The following MAFK variants were observed in gnomAD, a reference collection of about 807,000 sequenced individuals.
The protein encoded by MAFK is MAF bZIP transcription factor K.
In MAFK, 1 loss-of-function variant was observed where a neutral mutation model predicts 9.2. The ratio of observed to expected loss-of-function variants is 0.11; its 90% CI spans 0.04 to 0.52. The LOEUF (loss-of-function observed/expected upper bound fraction) is 0.52. Among genes scored for constraint, MAFK ranks in the 20% least tolerant of loss-of-function variants. The probability of loss-of-function intolerance (pLI) is 0.94; values close to 1 mark genes in which losing one functional copy is unlikely to be tolerated. For missense variants in MAFK, 207 were observed against 236.0 expected, an observed-to-expected ratio of 0.88 and a Z score of 0.81; for synonymous variants, 110 against 107.4, an observed-to-expected ratio of 1.02 and a Z score of -0.15.
At chr7:1,535,082 A>C (rs1351277638) in intron 1 of MAFK, among the ~76,000 whole-genome samples, 2 of 67,864 alleles carry the variant, frequency 2.9e-5, no homozygotes, top group Non-Finnish European at 5.8e-5. Context: ...GCTATTTAAA[A>C]TTCTTTTTTT....
At chr7:1,535,449 G>C (rs986392324) in intron 1 of MAFK, among the ~76,000 whole-genome samples, 31 of 152,212 alleles carry the variant, frequency 2.0e-4, no homozygotes, top group Admixed American at 7.9e-4. Context: ...GAGTCCAGGA[G>C]CTCGAGACCA....
In MAFK at chr7:1,542,203, G is replaced by GGGGATAT. The variant is rs1784208492; in HGVS notation, c.*1829_*1835dup. 6.6e-6 allele frequency: 1 copy of GGGGATAT among 152,496 alleles called. No homozygotes were observed. The highest frequency in any genetic ancestry group is 1.5e-5 in the Non-Finnish European group (1 of 68,042). The allele number at this position is 152,496 out of a possible 1,614,324, so 9.4% of individuals were successfully genotyped here. On this transcript the variant is annotated 3_prime_UTR_variant, in exon 3 of 3. Transcript: ENST00000343242. ...CCATATTGGATGTCATAAGGACCAG[G>GGGGATAT]GGGATATTTAAAGAGAGAAACAGAA... is the stretch of plus-strand genomic sequence containing the variant.
At position 1,534,642 on chromosome 7, in the gene MAFK, C is replaced by G; in HGVS notation, c.-45+3744C>G. On this transcript the variant is annotated intron_variant, in intron 1 of 2. Coordinates refer to ENST00000343242, the MANE Select transcript of MAFK (RefSeq NM_002360.4). This position sits in a 1 kb window ranked among gnomAD's most constrained non-coding sequence, Gnocchi z 4.3. The stretch of plus-strand genomic sequence containing the variant: ...GAGAATAGAAGTGGAAGGGCCACTC[C>G]GTCTTGGTCAGACTGGCTGGGCAGC... The G allele has an allele frequency of 2.2e-6, 1 of 456,032 alleles. No homozygotes were observed. Among genetic ancestry groups the G allele is most frequent in the Non-Finnish European group, 4.4e-6 (1 of 226,766 alleles). 28.2% of individuals were successfully genotyped at this position (456,032 alleles called of 1,614,324 possible). A position where few individuals can be genotyped will look rare whatever the true frequency, so the allele number is the denominator to read the frequency against.
intron 2 of MAFK, 61 bp downstream of exon 2, chr7:1,539,289 G>C: frequency 7.2e-7 from 1 of 1,384,570 alleles, no homozygotes; most frequent in Non-Finnish European, 1.0e-6. Context: ...CCCCCGGCCC[G>C]ACAGCCCCTG....
intron 1 of MAFK, among the ~76,000 whole-genome samples, chr7:1,531,445 G>A (rs1783902907): frequency 6.6e-6 from 1 of 152,178 alleles, no homozygotes; most frequent in African/African-American, 2.4e-5. Context: ...GAACGGGGTG[G>A]GGGTAACCGG....
rs1477794241 is a variant in MAFK, at chr7:1,534,865, C to A, written c.-45+3967C>A. 2 of 312,674 alleles carry A rather than the reference C, an allele frequency of 6.4e-6. No homozygotes were observed. Among genetic ancestry groups the A allele is most frequent in the Non-Finnish European group, 1.3e-5 (2 of 153,666 alleles). The allele number at this position is 312,674 out of a possible 1,614,324, so 19.4% of individuals were successfully genotyped here. ...CACAGCCGGGACCGTTCAGAGGGGTCATCCAGCCGTCAGCTGCTCAACTCA... is the reference window on the plus strand; with the variant it reads ...CACAGCCGGGACCGTTCAGAGGGGTAATCCAGCCGTCAGCTGCTCAACTCA... On this transcript the variant is annotated intron_variant, in intron 1 of 2. Transcript: ENST00000343242. The surrounding 1 kb of genome is among the most constrained non-coding windows in gnomAD (Gnocchi z 4.3).
intron 1 of MAFK, among the ~76,000 whole-genome samples, chr7:1,533,245 G>GAACCTTCCC (rs1015581059): frequency 6.6e-6 from 1 of 152,224 alleles, no homozygotes; most frequent in African/African-American, 2.4e-5. Context: ...GTGTCCTGGG[G>GAACCTTCCC]AAGGTATTGG....
Position 1,540,305 on chromosome 7 carries a change from C to A in MAFK, c.401C>A (p.Thr134Asn). 1 of 1,611,678 alleles carries A rather than the reference C, an allele frequency of 6.2e-7. No homozygotes were observed. Among genetic ancestry groups the A allele is most frequent in the Non-Finnish European group, 8.5e-7 (1 of 1,179,142 alleles). Reference protein sequence around the residue: ...GPVAPSKVATTSVITIVKSTE... With the variant: ...GPVAPSKVATNSVITIVKSTE... ...GTGGCGCCCTCCAAGGTGGCCACCACCAGCGTCATCACCATCGTCAAGTCC... is the reference window on the plus strand; with the variant it reads ...GTGGCGCCCTCCAAGGTGGCCACCAACAGCGTCATCACCATCGTCAAGTCC... Residue 134 changes from threonine (T) to asparagine (N), a missense_variant, in exon 3 of 3, where the codon ACC becomes AAC. By Grantham distance (65) the Thr-to-Asn change is moderately conservative (BLOSUM62 0). Transcript: ENST00000343242.
chr7:1,538,651 G>A (rs540082768), intron 1 of MAFK: 6 of 160,528 alleles, frequency 3.7e-5, no homozygotes, highest in Admixed American at 2.6e-4. Context: ...CCTCGGGGCC[G>A]GCACAGCTGT....
chr7:1,537,694 C>T, intron 1 of MAFK: 5 of 985,692 alleles, frequency 5.1e-6, no homozygotes, highest in Non-Finnish European at 6.0e-6. Context: ...AGGACCCTGT[C>T]TCACCTGTGC....
In MAFK at chr7:1,540,052, A is replaced by T; in HGVS notation, c.148A>T (p.Thr50Ser). ...GCGGGGTCTCACCAAGGAGGAGGTG[A>T]CCCGCCTGAAGCAGCGTCGGCGCAC... ...HLRGLTKEEV[T>S]RLKQRRRTLK... Residue 50 changes from threonine to serine, a missense_variant, in exon 3 of 3, where the codon ACC becomes TCC. Transcript: ENST00000343242. 6.4e-7 allele frequency: 1 copy of T among 1,558,520 alleles called. No individual in the cohort carries two copies. Among genetic ancestry groups the T allele is most frequent in the Non-Finnish European group, 8.7e-7 (1 of 1,151,288 alleles).
At chr7:1,536,642 C>G (rs139313259) in intron 1 of MAFK, among the ~76,000 whole-genome samples, 51 of 152,374 alleles carry the variant, frequency 3.3e-4, no homozygotes, top group African/African-American at 1.1e-3. Flanking sequence ...GCATACAAAA[C>G]TCTTCTCTGA....
In MAFK at chr7:1,532,580, G is replaced by C. The variant is rs905495038; in HGVS notation, c.-45+1682G>C. ...GACTCCCCAGGTGCTGGTAAACCCG[G>C]GAGCCAGCGTTTACCGAGGGTCAGG... On this transcript the variant is annotated intron_variant, in intron 1 of 2. Coordinates refer to ENST00000343242, the MANE Select transcript of MAFK (RefSeq NM_002360.4). The surrounding 1 kb of genome is among the most constrained non-coding windows in gnomAD (Gnocchi z 4.5). Among the ~76,000 whole-genome samples the C allele has an allele frequency of 3.3e-5, 5 of 152,210 alleles. No individual in the cohort carries two copies. Among genetic ancestry groups the C allele is most frequent in the African/African-American group, 1.2e-4 (5 of 41,444 alleles).
intron 1 of MAFK, among the ~76,000 whole-genome samples, chr7:1,535,778 A>G (rs4725190): frequency 0.65 from 99,277 of 152,216 alleles, 33,042 homozygotes; most frequent in African/African-American, 0.78. Flanking sequence ...GGGGGAGCCC[A>G]GGGCTCTGAT....
In MAFK at chr7:1,537,902, C is replaced by G. The variant is rs777525351; in HGVS notation, c.-44-1247C>G. 83 of 162,980 alleles carry G rather than the reference C, an allele frequency of 5.1e-4. 1 individual carries two copies. Among genetic ancestry groups the G allele is most frequent in the Non-Finnish European group, 8.6e-4 (67 of 77,862 alleles). 10.1% of individuals were successfully genotyped at this position (162,980 alleles called of 1,614,324 possible). Reference sequence around the variant, plus strand: ...AGTGGAGGTGCTGACCAAGGACACCCCCCACCGCCGTGTGCTGCTCTGATG... The same window carrying G: ...AGTGGAGGTGCTGACCAAGGACACCGCCCACCGCCGTGTGCTGCTCTGATG... On this transcript the variant is annotated intron_variant, in intron 1 of 2. Transcript: ENST00000343242.
intron 1 of MAFK, among the ~76,000 whole-genome samples, chr7:1,531,429 G>C (rs1196734042): frequency 6.6e-6 from 1 of 152,176 alleles, no homozygotes; most frequent in East Asian, 1.9e-4. Flanking sequence ...GGTCACGCGT[G>C]CCCGGGAACG....
intron 1 of MAFK, chr7:1,538,354 T>G: frequency 2.0e-6 from 2 of 984,742 alleles, no homozygotes; most frequent in African/African-American, 1.7e-5. Context: ...CCCCCGGACC[T>G]GCCGCCCCTC....
Position 1,539,921 on chromosome 7 carries a change from C to A in MAFK, c.37-20C>A. ...CACCCCACGTTCTCCCGCCGCTGAC[C>A]CCGCACTGTGGCCCCCCAGGTCAAG... On this transcript the variant is annotated intron_variant, in intron 2 of 2. Coordinates refer to ENST00000343242, the MANE Select transcript of MAFK (RefSeq NM_002360.4). The A allele has an allele frequency of 6.6e-7, 1 of 1,506,178 alleles. No individual in the cohort carries two copies. The highest frequency in any genetic ancestry group is 1.4e-5 in the African/African-American group (1 of 72,212). The allele number at this position is 1,506,178 out of a possible 1,614,324, so 93.3% of individuals were successfully genotyped here.
At position 1,540,389 on chromosome 7, in the gene MAFK, C is replaced by CG. The variant is rs1160642108; in HGVS notation, c.*20dup. 2 of 230,960 alleles carry CG rather than the reference C, an allele frequency of 8.7e-6. No homozygotes were observed. The highest frequency in any genetic ancestry group is 1.9e-4 in the South Asian group (2 of 10,338). The allele number at this position is 230,960 out of a possible 1,614,324, so 14.3% of individuals were successfully genotyped here. A position where few individuals can be genotyped will look rare whatever the true frequency, so the allele number is the denominator to read the frequency against. Reference sequence around the variant, plus strand: ...GCTGCATCCTAGTGCCGGCCGGGGGCGGGGGGTGGCGGGCGGCGGGCGGCG... The same window carrying CG: ...GCTGCATCCTAGTGCCGGCCGGGGGCGGGGGGGTGGCGGGCGGCGGGCGGCG... On this transcript the variant is annotated 3_prime_UTR_variant, in exon 3 of 3. Coordinates refer to ENST00000343242, the MANE Select transcript of MAFK (RefSeq NM_002360.4).
Sources: allele counts gnomAD v4.1 joint callset (sites outside exome capture counted in the v4.1 genomes callset), GRCh38; gene constraint gnomAD v4.1.1; non-coding constraint Gnocchi (gnomAD v3.1); transcripts MANE v1.5; gene names NCBI Gene and HGNC (gene_info 2026-07-23, HGNC 2026-07-21).